Variants in NAV2 observed in about 807,000 individuals in gnomAD.
The protein encoded by NAV2 is neuron navigator 2.
NAV2 carries 54 observed loss-of-function variants against 223.2 expected under a neutral mutation model. The observed-to-expected ratio is 0.24, with a 90% confidence interval of 0.19 to 0.30. The LOEUF is 0.30. Among genes scored for constraint, NAV2 ranks in the 10% least tolerant of loss-of-function variants. NAV2 has a pLI of 1.00. For synonymous variants in NAV2, 1,279 were observed against 1,239.3 expected (o/e 1.03, Z -0.67); for missense variants, 2,806 against 3,147.5 (o/e 0.89, Z 2.60).
chr11:19,892,358 G>A, intron 5 of NAV2, 76 bp from the exon 6 acceptor site: 1 of 1,413,784 alleles, frequency 7.1e-7, no homozygotes, highest in South Asian at 1.4e-5. Context: ...CCTCCTGCAT[G>A]GTTGCAGTTC....
At chr11:19,349,343 C>T (rs1853166669), upstream of NAV2, among the ~76,000 whole-genome samples, 1 of 152,214 alleles carries the variant, frequency 6.6e-6, no homozygotes, top group South Asian at 2.1e-4. Flanking sequence ...CCTCCTCCTC[C>T]CCCCTCACAA....
intron 1 of NAV2, among the ~76,000 whole-genome samples, chr11:19,680,565 G>A (rs1590080342): frequency 1.3e-5 from 2 of 152,188 alleles, no homozygotes; most frequent in East Asian, 1.9e-4. Flanking sequence ...GGGAAGCAAG[G>A]AGGCTGTGGC....
At chr11:19,655,167 A>G (rs1475356668) in intron 1 of NAV2, among the ~76,000 whole-genome samples, 2 of 152,262 alleles carry the variant, frequency 1.3e-5, no homozygotes, top group Non-Finnish European at 2.9e-5. Flanking sequence ...GCCATCAGAG[A>G]CATGCAAATC....
At chr11:19,489,612 C>A (rs186593872) in intron 1 of NAV2, among the ~76,000 whole-genome samples, 7 of 152,208 alleles carry the variant, frequency 4.6e-5, no homozygotes, top group East Asian at 1.9e-4. Context: ...ATAAATTACA[C>A]GGAGTTGGTG....
At chr11:19,440,109 AAAAAATAATCTT>A (rs1851347188) in intron 1 of NAV2, among the ~76,000 whole-genome samples, 1 of 152,244 alleles carries the variant, frequency 6.6e-6, no homozygotes, top group Non-Finnish European at 1.5e-5. Context: ...TCACACACGT[AAAAAATAATCTT>A]TCAGGGCCTA....
chr11:19,672,377 G>A (rs781236471), intron 1 of NAV2, among the ~76,000 whole-genome samples: 6 of 152,182 alleles, frequency 3.9e-5, no homozygotes, highest in African/African-American at 4.8e-5. Context: ...CATGGGTATC[G>A]CTGCTGGTCA....
chr11:19,883,896 A>G (rs2063368967), intron 5 of NAV2, among the ~76,000 whole-genome samples: 1 of 152,194 alleles, frequency 6.6e-6, no homozygotes, highest in East Asian at 1.9e-4. Flanking sequence ...GATACTGAGG[A>G]CATTCATCTG....
intron 1 of NAV2, among the ~76,000 whole-genome samples, chr11:19,484,019 G>T (rs546417237): frequency 6.6e-6 from 1 of 151,952 alleles, no homozygotes; most frequent in Non-Finnish European, 1.5e-5. Flanking sequence ...TGTGCTCCGC[G>T]TGCCTTCTTG....
intron 1 of NAV2, among the ~76,000 whole-genome samples, chr11:19,424,762 G>C (rs186596681): frequency 6.6e-6 from 1 of 152,004 alleles, no homozygotes; most frequent in African/African-American, 2.4e-5. Flanking sequence ...TGTTGGCCAG[G>C]CTGGTTTCTA....
In NAV2 at chr11:19,843,303, A is replaced by C. The variant is rs534563992; in HGVS notation, c.438+380A>C. Among the ~76,000 whole-genome samples, 17 of 152,328 alleles carry C rather than the reference A, an allele frequency of 1.1e-4. No individual in the cohort carries two copies. In the South Asian group the frequency reaches 3.3e-3, roughly 30 times the overall value. On this transcript the variant is annotated intron_variant, in intron 3 of 37. Transcript: ENST00000349880. ...GCTGAGGCACGGATGAAGTGATGGT[A>C]TCTTACTAATCAGAAACTGGAGCAT...
At chr11:19,939,190 C>A (rs532587109) in intron 7 of NAV2, among the ~76,000 whole-genome samples, 1 of 152,142 alleles carries the variant, frequency 6.6e-6, no homozygotes, top group African/African-American at 2.4e-5. Context: ...CACCCACTTC[C>A]GACTGGTTTT....
chr11:19,756,657 T>C (rs761042252), intron 1 of NAV2, among the ~76,000 whole-genome samples: 5 of 152,180 alleles, frequency 3.3e-5, no homozygotes, highest in African/African-American at 9.7e-5. Context: ...CTTTTCTTCT[T>C]TTTGGAAACT....
chr11:19,517,113 AAGT>A (rs530328100), intron 1 of NAV2, among the ~76,000 whole-genome samples: 3 of 152,086 alleles, frequency 2.0e-5, no homozygotes, highest in African/African-American at 7.2e-5. Flanking sequence ...ATTGGTGAGA[AAGT>A]AGTAGAAGGA....
chr11:20,098,896 C>T (rs977904254), intron 31 of NAV2, among the ~76,000 whole-genome samples: 1 of 152,220 alleles, frequency 6.6e-6, no homozygotes, highest in African/African-American at 2.4e-5. Context: ...TCAGCTTTGC[C>T]CATCGGCTGT....
intron 26 of NAV2, among the ~76,000 whole-genome samples, chr11:20,089,008 GAA>G (rs537438499): frequency 7.9e-6 from 1 of 126,338 alleles, no homozygotes. Flanking sequence ...CCAAACCGAA[GAA>G]AAAAAAAAAA....
chr11:19,498,684 C>T (rs773582660), intron 1 of NAV2, among the ~76,000 whole-genome samples: 7 of 152,218 alleles, frequency 4.6e-5, no homozygotes, highest in African/African-American at 9.6e-5. Context: ...GCCTGCCCAT[C>T]GATCCATCTG....
chr11:19,736,720 C>T (rs2052336882), intron 1 of NAV2, among the ~76,000 whole-genome samples: 1 of 152,190 alleles, frequency 6.6e-6, no homozygotes, highest in Admixed American at 6.5e-5. Flanking sequence ...GCCTCCAAAG[C>T]CCAGGAACTC....
intron 1 of NAV2, among the ~76,000 whole-genome samples, chr11:19,567,794 A>G (rs181582437): frequency 4.7e-4 from 71 of 152,132 alleles, no homozygotes; most frequent in African/African-American, 1.6e-3. Context: ...TCTCTTTCAA[A>G]AAGAAAATCC....
intron 1 of NAV2, among the ~76,000 whole-genome samples, chr11:19,590,297 C>T (rs1166165503): frequency 6.6e-6 from 1 of 152,174 alleles, no homozygotes; most frequent in African/African-American, 2.4e-5. Flanking sequence ...GGTTTTAAAC[C>T]TTAAACCTTG....
Sources: gnomAD v4.1 joint callset for allele counts (sites outside exome capture counted in the v4.1 genomes callset) on GRCh38, gnomAD v4.1.1 for gene constraint, MANE v1.5 for transcripts, NCBI Gene and HGNC (gene_info 2026-07-23, HGNC 2026-07-21) for gene names.